Variants in TTC39B observed in about 807,000 individuals in gnomAD.
The protein encoded by TTC39B is tetratricopeptide repeat domain 39B.
In TTC39B, 92 loss-of-function variants were observed where a neutral mutation model predicts 96.6. That is an observed-to-expected ratio of 0.95 (90% CI 0.80 to 1.13). The LOEUF (loss-of-function observed/expected upper bound fraction) is 1.13, where lower values mean the gene tolerates loss of function less well. TTC39B is among the 50% of genes most tolerant of loss of function. TTC39B has a pLI of 0.00. For missense variants in TTC39B, 955 were observed against 809.3 expected, an observed-to-expected ratio of 1.18 and a Z score of -2.18; for synonymous variants, 367 against 299.4, an observed-to-expected ratio of 1.23 and a Z score of -2.33.
At chr9:15,205,450 C>T (rs1819791081) in intron 6 of TTC39B, among the ~76,000 whole-genome samples, 1 of 150,650 alleles carries the variant, frequency 6.6e-6, no homozygotes, top group East Asian at 1.9e-4. Context: ...CAAGTTCCTG[C>T]CATGCTCATA....
intron 2 of TTC39B, among the ~76,000 whole-genome samples, chr9:15,245,001 C>G (rs1822210861): frequency 6.6e-6 from 1 of 152,304 alleles, no homozygotes; most frequent in African/African-American, 2.4e-5. Flanking sequence ...TGTTTCTTCT[C>G]TGGGTTCTCT....
exon 20 of TTC39B, chr9:15,165,457 C>G (rs1194181909): frequency 1.3e-5 from 2 of 152,138 alleles, no homozygotes; most frequent in Non-Finnish European, 2.9e-5. Context: ...ACATGATTTC[C>G]AAAGCAAAGA....
intron 1 of TTC39B, among the ~76,000 whole-genome samples, chr9:15,294,953 G>A (rs890693399): frequency 1.3e-5 from 2 of 152,180 alleles, no homozygotes; most frequent in African/African-American, 4.8e-5. Flanking sequence ...ACTTATCCCA[G>A]GTTATACATG....
chr9:15,257,894 T>A (rs147669661), intron 2 of TTC39B, among the ~76,000 whole-genome samples: 11,379 of 151,950 alleles, frequency 0.075, 558 homozygotes, highest in African/African-American at 0.13. Context: ...ACCCCGTCTC[T>A]ACTAAAAATA....
chr9:15,176,780 A>G lies in TTC39B; in HGVS notation c.1841+917T>C, dbSNP rs1817962764. On this transcript the variant is annotated intron_variant, in intron 18 of 19. Coordinates refer to ENST00000512701, the Ensembl canonical transcript of TTC39B. ...AACACCCTGACCTATAGAGCCTACC[A>G]ATCCTATTCCTGCCACCACTCAGCC... Among the ~76,000 whole-genome samples, 10 of 152,174 alleles carry G rather than the reference A, an allele frequency of 6.6e-5. No individual in the cohort carries two copies. The South Asian group carries it at 2.1e-3, about 32-fold the overall frequency.
At chr9:15,204,301 G>C (rs1352020564) in intron 6 of TTC39B, among the ~76,000 whole-genome samples, 1 of 152,052 alleles carries the variant, frequency 6.6e-6, no homozygotes, top group Non-Finnish European at 1.5e-5. Flanking sequence ...GGCCGAGGTG[G>C]GTGGATCACC....
At chr9:15,219,140 C>G (rs1242739872) in intron 3 of TTC39B, among the ~76,000 whole-genome samples, 1 of 152,198 alleles carries the variant, frequency 6.6e-6, no homozygotes, top group Non-Finnish European at 1.5e-5. Context: ...CTTCCCAGTT[C>G]TGTAACCTTG....
rs754803206 is a variant in TTC39B, at chr9:15,174,134, T to G, written c.1958+885A>C. 3.2e-4 allele frequency among the ~76,000 whole-genome samples: 48 copies of G among 152,232 alleles called. 2 individuals are homozygous for G. On this transcript the variant is annotated intron_variant, in intron 19 of 19. Transcript: ENST00000512701. The stretch of plus-strand genomic sequence containing the variant: ...CCTGAAGTAACACCCAGGCACCATG[T>G]ATCATATTATAAATCTCAGCAAACA...
At chr9:15,164,742 G>A (rs200607547) in exon 20 of TTC39B, 4 of 149,872 alleles carry the variant, frequency 2.7e-5, no homozygotes, top group Non-Finnish European at 3.0e-5. Flanking sequence ...GTCAGCAAAA[G>A]AAAAAAAAAA....
rs762513609 is a variant in TTC39B at position 15,188,093 on chromosome 9, C to A, written c.1273G>T (p.Glu425Ter). The change falls in exon 14 of 20, where the codon GAA (glutamate) becomes TAA (stop). Residue 425 changes from glutamate to a stop codon, truncating the protein, a stop_gained. Transcript: ENST00000512701. LOFTEE classifies it high-confidence loss of function. ...CAGAGATGGTGAAACTGTTTCCATTCTTCTTGAACTGAAATGCATTTTTGA... is the reference window on the plus strand; with the variant it reads ...CAGAGATGGTGAAACTGTTTCCATTATTCTTGAACTGAAATGCATTTTTGA... The A allele has an allele frequency of 6.2e-7, 1 of 1,608,696 alleles. No homozygotes were observed. The highest frequency in any genetic ancestry group is 2.2e-5 in the East Asian group (1 of 44,706).
chr9:15,193,084 T>C (rs562243419), intron 8 of TTC39B, among the ~76,000 whole-genome samples: 22 of 152,296 alleles, frequency 1.4e-4, no homozygotes, highest in Admixed American at 3.9e-4. Context: ...GGAAATGAAA[T>C]GCTACTGGCA....
At chr9:15,252,766 A>C (rs1822610376) in intron 2 of TTC39B, among the ~76,000 whole-genome samples, 1 of 152,256 alleles carries the variant, frequency 6.6e-6, no homozygotes, top group Non-Finnish European at 1.5e-5. Context: ...TACTAATGTA[A>C]GATACTAATC....
intron 1 of TTC39B, among the ~76,000 whole-genome samples, chr9:15,282,057 G>T (rs1221490135): frequency 6.6e-6 from 1 of 152,068 alleles, no homozygotes; most frequent in African/African-American, 2.4e-5. Flanking sequence ...ACAGTTAAAA[G>T]AAATTTAACT....
chr9:15,163,701 A>G (rs1817471850), exon 20 of TTC39B: 1 of 152,226 alleles, frequency 6.6e-6, no homozygotes, highest in Non-Finnish European at 1.5e-5. Flanking sequence ...AAAATACAGA[A>G]TTTTGAGAAA....
intron 17 of TTC39B, among the ~76,000 whole-genome samples, chr9:15,180,474 C>A (rs1312409387): frequency 2.6e-5 from 4 of 152,202 alleles, no homozygotes; most frequent in Non-Finnish European, 4.4e-5. Context: ...TCTTTTGTAT[C>A]AATGGCCAGC....
In TTC39B at chr9:15,225,897, T is replaced by C. The variant is rs1415683298; in HGVS notation, c.371+20A>G. 5 of 1,606,026 alleles carry C rather than the reference T, an allele frequency of 3.1e-6. No individual in the cohort carries two copies. The highest frequency in any genetic ancestry group is 1.7e-4 in the Middle Eastern group (1 of 6,034). Reference sequence around the variant, plus strand: ...CTGTCCTCCCCTCTTCCCCCAGGAATGCCCACAACCCTTCCTGACCTGCTG... The same window carrying C: ...CTGTCCTCCCCTCTTCCCCCAGGAACGCCCACAACCCTTCCTGACCTGCTG... On this transcript the variant is annotated intron_variant, in intron 3 of 19. Coordinates refer to ENST00000512701, the Ensembl canonical transcript of TTC39B.
At chr9:15,281,312 T>A (rs1272364169) in intron 1 of TTC39B, among the ~76,000 whole-genome samples, 1 of 152,190 alleles carries the variant, frequency 6.6e-6, no homozygotes, top group East Asian at 1.9e-4. Flanking sequence ...TTAAATGAGA[T>A]GTACGTAGGC....
intron 13 of TTC39B, among the ~76,000 whole-genome samples, chr9:15,189,176 C>T (rs1186255872): frequency 2.6e-5 from 4 of 152,088 alleles, no homozygotes; most frequent in Non-Finnish European, 5.9e-5. Context: ...TGAGGGAATT[C>T]GTTTTTTGAG....
intron 1 of TTC39B, among the ~76,000 whole-genome samples, chr9:15,275,427 A>G (rs1209459514): frequency 1.3e-5 from 2 of 152,182 alleles, no homozygotes; most frequent in East Asian, 3.8e-4. Flanking sequence ...CTTCATTTTT[A>G]CCAAAAAATC....
Sources: allele counts gnomAD v4.1 joint callset (sites outside exome capture counted in the v4.1 genomes callset), GRCh38; gene constraint gnomAD v4.1.1; transcripts MANE v1.5; gene names NCBI Gene and HGNC (gene_info 2026-07-23, HGNC 2026-07-21).